The following ROBO1 variants were observed in gnomAD, a reference collection of about 807,000 sequenced individuals.
ROBO1 encodes roundabout homolog 1.
A neutral mutation model predicts 195.9 loss-of-function variants in ROBO1; 149 were observed. That is an observed-to-expected ratio of 0.76 (90% CI 0.67 to 0.87). The LOEUF is 0.87. Among genes scored for constraint, ROBO1 ranks in the 40% least tolerant of loss-of-function variants. The probability of loss-of-function intolerance (pLI) is 0.00; values close to 1 mark genes in which losing one functional copy is unlikely to be tolerated. For missense variants in ROBO1, 1,933 were observed against 2,068.3 expected (o/e 0.93, Z 1.27); for synonymous variants, 816 against 733.2 (o/e 1.11, Z -1.82).
chr3:78,668,808 G>A (rs1707888831), intron 11 of ROBO1, among the ~76,000 whole-genome samples: 1 of 152,016 alleles, frequency 6.6e-6, no homozygotes, highest in Admixed American at 6.6e-5. Context: ...AATTGCATTA[G>A]CATATATTAT....
intron 3 of ROBO1, among the ~76,000 whole-genome samples, chr3:78,994,847 C>G (rs2077322825): frequency 6.6e-6 from 1 of 152,142 alleles, no homozygotes; most frequent in Non-Finnish European, 1.5e-5. Flanking sequence ...TCACCCTTCA[C>G]TGTCTCAGTG....
chr3:79,467,449 A>C (rs1180361080), intron 2 of ROBO1, among the ~76,000 whole-genome samples: 1 of 151,232 alleles, frequency 6.6e-6, no homozygotes, highest in Non-Finnish European at 1.5e-5. Context: ...AACCCCAAAC[A>C]CCAGGCTCCA....
Position 78,657,121 on chromosome 3 carries a change from C to A in ROBO1, c.2591G>T (p.Ser864Ile). The A allele has an allele frequency of 6.2e-7, 1 of 1,610,490 alleles. No individual in the cohort carries two copies. Among genetic ancestry groups the A allele is most frequent in the Non-Finnish European group, 8.5e-7 (1 of 1,178,394 alleles). Residue 864 changes from serine (S) to isoleucine (I), a missense_variant, in exon 18 of 31, where the codon AGT becomes ATT. Ser to Ile is a moderately radical substitution (Grantham distance 142). This residue lies in a region of ROBO1 where 1,737 missense variants were observed against 1,882.5 expected (regional missense o/e 0.92). Transcript: ENST00000464233. ...ASTGAGSGVK[S>I]EPQFIQLDAH... The stretch of plus-strand genomic sequence containing the variant: ...ACCCAGCTGGATGAACTGAGGCTCA[C>A]TCTTTACCCCAGACCCAGCCCCAGT...
rs61359747 is a variant in ROBO1 at position 78,666,898 on chromosome 3, CT to C, written c.1966+984del. ...CAAGTCTATTTTTTTTTCTTTTTTC[CT>C]TTGTTCCCTTAAGATAGAAACACTA... On this transcript the variant is annotated intron_variant, in intron 14 of 30. Coordinates refer to ENST00000464233, the MANE Select transcript of ROBO1 (RefSeq NM_002941.4). Among the ~76,000 whole-genome samples, 1,481 of 151,322 alleles carry C rather than the reference CT, an allele frequency of 9.8e-3. 23 individuals are homozygous for C. Among genetic ancestry groups the C allele is most frequent in the African/African-American group, 0.034 (1,410 of 41,288 alleles).
At position 78,918,772 on chromosome 3, in the gene ROBO1, A is replaced by T. The variant is rs567960248; in HGVS notation, c.499+19829T>A. On this transcript the variant is annotated intron_variant, in intron 4 of 30. Coordinates refer to ENST00000464233, the MANE Select transcript of ROBO1 (RefSeq NM_002941.4). The stretch of plus-strand genomic sequence containing the variant: ...TTAAGTACAAATATCCATATGTCCC[A>T]CATACTTCTAGGAAACCTCATGTAG... Among the ~76,000 whole-genome samples the T allele has an allele frequency of 8.5e-5, 13 of 152,254 alleles. No individual in the cohort carries two copies. In the South Asian group the frequency reaches 2.1e-3, roughly 24 times the overall value.
intron 4 of ROBO1, among the ~76,000 whole-genome samples, chr3:78,798,330 G>A (rs1250910245): frequency 6.6e-6 from 1 of 152,170 alleles, no homozygotes; most frequent in Non-Finnish European, 1.5e-5. Flanking sequence ...TCACTGAAGT[G>A]TCAAATAAGC....
chr3:78,895,142 G>A (rs1259017019), intron 4 of ROBO1, among the ~76,000 whole-genome samples: 3 of 152,230 alleles, frequency 2.0e-5, no homozygotes, highest in African/African-American at 4.8e-5. Flanking sequence ...ATAATTTGGA[G>A]TGTGAAGGGT....
intron 4 of ROBO1, among the ~76,000 whole-genome samples, chr3:78,866,744 A>G (rs2035206854): frequency 6.6e-6 from 1 of 152,178 alleles, no homozygotes; most frequent in South Asian, 2.1e-4. Flanking sequence ...TGGTTTTAAA[A>G]TGGAGATGTA....
intron 3 of ROBO1, among the ~76,000 whole-genome samples, chr3:79,009,940 T>C (rs2077733849): frequency 6.6e-6 from 1 of 152,186 alleles, no homozygotes. Flanking sequence ...TAGTTGGTAC[T>C]TACAATTTCA....
chr3:79,127,788 T>C (rs2080243914), intron 2 of ROBO1, among the ~76,000 whole-genome samples: 1 of 152,224 alleles, frequency 6.6e-6, no homozygotes, highest in Non-Finnish European at 1.5e-5. Context: ...GTAACCTATC[T>C]TAAGTGGCTT....
At chr3:79,331,392 G>GA (rs1477952902) in intron 2 of ROBO1, among the ~76,000 whole-genome samples, 1 of 152,054 alleles carries the variant, frequency 6.6e-6, no homozygotes, top group Non-Finnish European at 1.5e-5. Flanking sequence ...CTTTTACTCT[G>GA]AAAAATAATT....
At chr3:79,622,155 C>T (rs1945027768) in intron 1 of ROBO1, among the ~76,000 whole-genome samples, 1 of 152,114 alleles carries the variant, frequency 6.6e-6, no homozygotes, top group Non-Finnish European at 1.5e-5. Context: ...AGTGAGCATG[C>T]TACCCAGACA....
At chr3:79,263,371 G>A (rs1051357233) in intron 2 of ROBO1, among the ~76,000 whole-genome samples, 1 of 152,024 alleles carries the variant, frequency 6.6e-6, no homozygotes, top group Non-Finnish European at 1.5e-5. Flanking sequence ...GATCAGGGCT[G>A]GGTGCCATGG....
rs151325684 is a variant in ROBO1, at chr3:78,811,839, G to C, written c.500-64939C>G. On this transcript the variant is annotated intron_variant, in intron 4 of 30. Coordinates refer to ENST00000464233, the MANE Select transcript of ROBO1 (RefSeq NM_002941.4). ...TTCTCTCTATCTCGTTTCTTCCCAA[G>C]GCATTTACTTCCTTATCACTGCCTC... is the stretch of plus-strand genomic sequence containing the variant. Among the ~76,000 whole-genome samples, 79 of 152,060 alleles carry C rather than the reference G, an allele frequency of 5.2e-4. No individual in the cohort carries two copies. In the East Asian group the frequency reaches 0.014, roughly 26 times the overall value.
chr3:79,245,468 C>G (rs2082606633), intron 2 of ROBO1, among the ~76,000 whole-genome samples: 1 of 151,998 alleles, frequency 6.6e-6, no homozygotes, highest in Non-Finnish European at 1.5e-5. Context: ...AGACTTGCCT[C>G]TATCATGAAC....
intron 3 of ROBO1, among the ~76,000 whole-genome samples, chr3:79,004,994 G>C (rs192061291): frequency 2.6e-4 from 40 of 152,286 alleles, no homozygotes; most frequent in Middle Eastern, 3.4e-3. Flanking sequence ...TTCTTCTAAA[G>C]GCTGCAGTTA....
At chr3:79,733,058 A>C (rs1341725179) in intron 1 of ROBO1, among the ~76,000 whole-genome samples, 1 of 152,164 alleles carries the variant, frequency 6.6e-6, no homozygotes, top group Non-Finnish European at 1.5e-5. Flanking sequence ...TATGAATTGA[A>C]TCTTCCATCA....
intron 8 of ROBO1, among the ~76,000 whole-genome samples, chr3:78,707,192 G>A (rs2081573615): frequency 6.6e-6 from 1 of 152,132 alleles, no homozygotes; most frequent in African/African-American, 2.4e-5. Context: ...CTTTTCTGAA[G>A]CATGTAGTTT....
chr3:79,292,841 T>C (rs1474740602), intron 2 of ROBO1, among the ~76,000 whole-genome samples: 1 of 152,186 alleles, frequency 6.6e-6, no homozygotes. Context: ...AATTTCCTTT[T>C]TTTGTTGTGT....
Sources: gnomAD v4.1 joint callset for allele counts (sites outside exome capture counted in the v4.1 genomes callset) on GRCh38, gnomAD v4.1.1 for gene constraint, gnomAD v4.1.1 regional missense constraint, MANE v1.5 for transcripts, NCBI Gene and HGNC (gene_info 2026-07-23, HGNC 2026-07-21) for gene names.